SPIDR: variants seen among roughly 807,000 people sequenced by gnomAD.
The protein encoded by SPIDR is scaffold protein involved in DNA repair.
In SPIDR, 93 loss-of-function variants were observed where a neutral mutation model predicts 104.6. That is an observed-to-expected ratio of 0.89 (90% CI 0.75 to 1.06). The LOEUF is 1.06. Ranked by LOEUF, SPIDR falls within the 50% of genes least tolerant of loss-of-function variation. The probability of loss-of-function intolerance (pLI) is 0.00; values close to 1 mark genes in which losing one functional copy is unlikely to be tolerated. For synonymous variants in SPIDR, 431 were observed against 416.9 expected, an observed-to-expected ratio of 1.03 and a Z score of -0.41; for missense variants, 1,154 against 1,111.2, an observed-to-expected ratio of 1.04 and a Z score of -0.55.
chr8:47,326,889 T>G (rs1330293622), intron 5 of SPIDR, among the ~76,000 whole-genome samples: 8 of 152,228 alleles, frequency 5.3e-5, no homozygotes, highest in African/African-American at 7.2e-5. Context: ...TTGGCTACTG[T>G]GAATAGAGCT....
intron 8 of SPIDR, among the ~76,000 whole-genome samples, chr8:47,462,037 C>T (rs951364228): frequency 1.3e-5 from 2 of 152,014 alleles, no homozygotes; most frequent in South Asian, 2.1e-4. Context: ...TTCTTCTTTG[C>T]GTAGGCTATG....
chr8:47,285,156 C>G (rs2038594717), intron 3 of SPIDR, among the ~76,000 whole-genome samples: 1 of 152,174 alleles, frequency 6.6e-6, no homozygotes, highest in African/African-American at 2.4e-5. Context: ...TGATTGATGA[C>G]AGCAGTTGCT....
intron 16 of SPIDR, among the ~76,000 whole-genome samples, chr8:47,717,886 C>T (rs1235246740): frequency 6.6e-6 from 1 of 152,192 alleles, no homozygotes; most frequent in Admixed American, 6.5e-5. Context: ...AGGAGAGCAG[C>T]ACAAGATGCC....
At chr8:47,433,462 C>T (rs1554690413) in intron 7 of SPIDR, among the ~76,000 whole-genome samples, 1 of 127,528 alleles carries the variant, frequency 7.8e-6, no homozygotes, top group Non-Finnish European at 1.6e-5. Flanking sequence ...TTCTTTTTCC[C>T]TGCCCAGGCT....
chr8:47,672,964 A>T (rs1210082409), intron 10 of SPIDR, among the ~76,000 whole-genome samples: 1 of 152,226 alleles, frequency 6.6e-6, no homozygotes, highest in Non-Finnish European at 1.5e-5. Context: ...GGCAGCACTT[A>T]AGGCTCCTGG....
At chr8:47,306,896 A>G (rs1373692058) in intron 5 of SPIDR, among the ~76,000 whole-genome samples, 1 of 152,092 alleles carries the variant, frequency 6.6e-6, no homozygotes, top group African/African-American at 2.4e-5. Flanking sequence ...TGTTGTTAGT[A>G]TAGCCACCTC....
At chr8:47,647,807 T>G (rs2070818644) in intron 10 of SPIDR, among the ~76,000 whole-genome samples, 1 of 152,178 alleles carries the variant, frequency 6.6e-6, no homozygotes. Context: ...AATACTTGAA[T>G]GGAGATGGGT....
intron 8 of SPIDR, among the ~76,000 whole-genome samples, chr8:47,495,193 A>G (rs1481402402): frequency 6.6e-6 from 1 of 152,098 alleles, no homozygotes; most frequent in African/African-American, 2.4e-5. Flanking sequence ...TCTATTGCAT[A>G]GTGCACATGT....
intron 5 of SPIDR, among the ~76,000 whole-genome samples, chr8:47,311,190 G>A (rs1378781247): frequency 2.0e-5 from 3 of 152,160 alleles, no homozygotes; most frequent in African/African-American, 7.2e-5. Flanking sequence ...AAACTGATTA[G>A]AGATTACAGA....
intron 8 of SPIDR, among the ~76,000 whole-genome samples, chr8:47,443,848 G>T (rs1347619653): frequency 2.0e-5 from 3 of 151,738 alleles, no homozygotes; most frequent in Admixed American, 6.6e-5. Flanking sequence ...TACAATGGCT[G>T]CTTACCCCGA....
chr8:47,391,042 G>A (rs886578697), intron 5 of SPIDR, among the ~76,000 whole-genome samples: 1 of 152,120 alleles, frequency 6.6e-6, no homozygotes, highest in African/African-American at 2.4e-5. Context: ...CTGAAAGATC[G>A]TGTGTTTCTC....
At chr8:47,421,027 C>A (rs1319308208) in intron 7 of SPIDR, among the ~76,000 whole-genome samples, 10 of 152,238 alleles carry the variant, frequency 6.6e-5, no homozygotes, top group Non-Finnish European at 4.4e-5. Context: ...ACCTTTCTCT[C>A]TGGCTGCCCT....
intron 5 of SPIDR, among the ~76,000 whole-genome samples, chr8:47,295,088 T>C (rs889583665): frequency 6.6e-6 from 1 of 152,202 alleles, no homozygotes; most frequent in Non-Finnish European, 1.5e-5. Context: ...CTGCAGCTAA[T>C]ACTATCCAGT....
intron 11 of SPIDR, among the ~76,000 whole-genome samples, chr8:47,688,874 C>T (rs1405117132): frequency 1.3e-5 from 2 of 152,122 alleles, no homozygotes; most frequent in South Asian, 2.1e-4. Context: ...TTTTTCTGGC[C>T]TGCATTTTTT....
At chr8:47,307,817 T>C (rs1554582311) in intron 5 of SPIDR, among the ~76,000 whole-genome samples, 1 of 151,706 alleles carries the variant, frequency 6.6e-6, no homozygotes, top group East Asian at 2.0e-4. Flanking sequence ...GGGATTACAG[T>C]CATGAGCCAC....
At chr8:47,451,777 C>G (rs1328077303) in intron 8 of SPIDR, among the ~76,000 whole-genome samples, 2 of 151,766 alleles carry the variant, frequency 1.3e-5, no homozygotes, top group Non-Finnish European at 2.9e-5. Flanking sequence ...TATAGGAGTA[C>G]CAGAAGGAGA....
chr8:47,492,608 A>G (rs1387107925), intron 8 of SPIDR, among the ~76,000 whole-genome samples: 4 of 151,998 alleles, frequency 2.6e-5, no homozygotes, highest in Non-Finnish European at 5.9e-5. Context: ...AATCATTGCA[A>G]TGGCCTTTAG....
chr8:47,604,430 C>T (rs1190922917), intron 10 of SPIDR, among the ~76,000 whole-genome samples: 1 of 152,176 alleles, frequency 6.6e-6, no homozygotes, highest in Non-Finnish European at 1.5e-5. Context: ...AATGAGGTTG[C>T]CCTGCTTGAA....
intron 10 of SPIDR, among the ~76,000 whole-genome samples, chr8:47,604,376 T>G (rs1480709934): frequency 2.0e-5 from 3 of 152,186 alleles, no homozygotes; most frequent in Non-Finnish European, 4.4e-5. Flanking sequence ...TAGTGGACCA[T>G]GTGCAGGAGC....
Sources: gnomAD v4.1 joint callset for allele counts (sites outside exome capture counted in the v4.1 genomes callset) on GRCh38, gnomAD v4.1.1 for gene constraint, MANE v1.5 for transcripts, NCBI Gene and HGNC (gene_info 2026-07-23, HGNC 2026-07-21) for gene names.